Variants in MAML1 observed in about 807,000 individuals in gnomAD.
The protein encoded by MAML1 is mastermind-like protein 1.
A neutral mutation model predicts 77.1 loss-of-function variants in MAML1; 14 were observed. The observed-to-expected ratio is 0.18, with a 90% CI of 0.12 to 0.28. The LOEUF is 0.28. Among genes scored for constraint, MAML1 ranks in the 10% least tolerant of loss-of-function variants. The pLI, the probability that MAML1 is intolerant of heterozygous loss-of-function variation, is 1.00. For synonymous variants in MAML1, 516 were observed against 551.9 expected (o/e 0.93, Z 0.91); for missense variants, 1,217 against 1,327.8 (o/e 0.92, Z 1.30).
chr5:179,737,326 C>T (rs1318832815), intron 1 of MAML1, among the ~76,000 whole-genome samples: 3 of 152,060 alleles, frequency 2.0e-5, no homozygotes, highest in Non-Finnish European at 4.4e-5. Flanking sequence ...GCTCTTTGGC[C>T]TTGGAATGGG....
intron 1 of MAML1, among the ~76,000 whole-genome samples, chr5:179,739,783 G>A (rs1779244446): frequency 6.6e-6 from 1 of 152,198 alleles, no homozygotes; most frequent in Non-Finnish European, 1.5e-5. Context: ...TATCCTGGAA[G>A]ATGTGTATAT....
intron 1 of MAML1, among the ~76,000 whole-genome samples, chr5:179,749,194 C>T (rs1225791645): frequency 6.6e-6 from 1 of 152,112 alleles, no homozygotes; most frequent in African/African-American, 2.4e-5. Flanking sequence ...ATGGCGCGAT[C>T]TCTGCTCACT....
chr5:179,753,220 TGTGCGCGCGCGCGC>T (rs918982163), intron 1 of MAML1, among the ~76,000 whole-genome samples: 2 of 37,814 alleles, frequency 5.3e-5, no homozygotes, highest in Non-Finnish European at 1.5e-4. Context: ...TGTGTGTGTG[TGTGCGCGCGCGCGC>T]GCGCGTGCTG....
rs1436474008 is a variant in MAML1 at position 179,764,990 on chromosome 5, T to TA, written c.316-335dup. ...TCAAAACATATATATATATATAATA[T>TA]ATATATGTGTGTGTGTGTGTGTGTG... On this transcript the variant is annotated intron_variant, in intron 1 of 4. Transcript: ENST00000292599. 1.8e-4 allele frequency among the ~76,000 whole-genome samples: 18 copies of TA among 102,354 alleles called. 1 individual carries two copies. Among genetic ancestry groups the TA allele is most frequent in the Admixed American group, 1.5e-3 (13 of 8,416 alleles). The allele number at this position is 102,354 out of a possible 152,430, so 67.1% of individuals were successfully genotyped here.
chr5:179,751,788 G>A (rs1488746352), intron 1 of MAML1, among the ~76,000 whole-genome samples: 1 of 152,070 alleles, frequency 6.6e-6, no homozygotes, highest in Non-Finnish European at 1.5e-5. Context: ...GAACTGGGCA[G>A]ATCACTTGAG....
intron 1 of MAML1, among the ~76,000 whole-genome samples, chr5:179,756,501 A>G (rs539927239): frequency 5.3e-5 from 8 of 152,000 alleles, no homozygotes; most frequent in African/African-American, 1.4e-4. Flanking sequence ...AAAGACATTC[A>G]GTTTAAGTTG....
chr5:179,739,061 C>T (rs1382079413), intron 1 of MAML1, among the ~76,000 whole-genome samples: 1 of 152,140 alleles, frequency 6.6e-6, no homozygotes, highest in African/African-American at 2.4e-5. Flanking sequence ...ACTATTTTCC[C>T]TTATTAATTC....
chr5:179,753,577 A>G (rs1191388081), intron 1 of MAML1, among the ~76,000 whole-genome samples: 2 of 151,936 alleles, frequency 1.3e-5, no homozygotes, highest in African/African-American at 4.8e-5. Context: ...GCGAATGGCA[A>G]AGGATTAAGA....
intron 1 of MAML1, among the ~76,000 whole-genome samples, chr5:179,751,433 C>T (rs1318014821): frequency 6.6e-6 from 1 of 152,170 alleles, no homozygotes; most frequent in Non-Finnish European, 1.5e-5. Flanking sequence ...GGTGCACTCA[C>T]TTCAGTGGCT....
chr5:179,741,537 T>G (rs947481521), intron 1 of MAML1, among the ~76,000 whole-genome samples: 3 of 151,870 alleles, frequency 2.0e-5, no homozygotes, highest in Non-Finnish European at 4.4e-5. Context: ...AATACAAAAA[T>G]TAGCCGGGCA....
At chr5:179,737,390 A>AG (rs1486542220) in intron 1 of MAML1, among the ~76,000 whole-genome samples, 1 of 152,154 alleles carries the variant, frequency 6.6e-6, no homozygotes, top group African/African-American at 2.4e-5. Flanking sequence ...CCTTCAATTC[A>AG]GGGGGGAAGA....
intron 1 of MAML1, among the ~76,000 whole-genome samples, chr5:179,753,933 A>G (rs1779561562): frequency 6.6e-6 from 1 of 151,570 alleles, no homozygotes; most frequent in South Asian, 2.1e-4. Flanking sequence ...CGGCCTCCCA[A>G]AGTGCTGGGA....
chr5:179,755,234 G>A (rs1326209444), intron 1 of MAML1, among the ~76,000 whole-genome samples: 1 of 152,232 alleles, frequency 6.6e-6, no homozygotes, highest in Non-Finnish European at 1.5e-5. Flanking sequence ...TGAGTGATGA[G>A]CTAGTACTGC....
intron 1 of MAML1, among the ~76,000 whole-genome samples, chr5:179,743,007 T>C (rs1029640472): frequency 5.9e-5 from 9 of 151,860 alleles, no homozygotes; most frequent in African/African-American, 2.2e-4. Context: ...ACTGGGTGTT[T>C]GGACAAAATA....
chr5:179,770,322 C>T (rs548915541), intron 3 of MAML1, among the ~76,000 whole-genome samples: 1 of 152,292 alleles, frequency 6.6e-6, no homozygotes, highest in South Asian at 2.1e-4. Flanking sequence ...GTGACGGGCG[C>T]CTGTAGTCCC....
At chr5:179,736,732 T>C (rs1779178055) in intron 1 of MAML1, among the ~76,000 whole-genome samples, 1 of 151,144 alleles carries the variant, frequency 6.6e-6, no homozygotes, top group African/African-American at 2.4e-5. Context: ...GAGGCAGAGG[T>C]GGGTGGATCG....
rs954981470 is a variant in MAML1 at position 179,732,830 on chromosome 5, C to G, written c.-283C>G. The G allele has an allele frequency of 9.6e-6, 2 of 208,414 alleles. No individual in the cohort carries two copies. The highest frequency in any genetic ancestry group is 4.6e-5 in the African/African-American group (2 of 43,146). The allele number at this position is 208,414 out of a possible 1,614,324, so 12.9% of individuals were successfully genotyped here. A position where few individuals can be genotyped will look rare whatever the true frequency, so the allele number is the denominator to read the frequency against. On this transcript the variant is annotated 5_prime_UTR_variant, in exon 1 of 5. Transcript: ENST00000292599. ...AGGCCCCGCCTTCTTCCGAGAGGCCCGAAAACAATTTTAAGATGGCGGCCG... is the reference window on the plus strand; with the variant it reads ...AGGCCCCGCCTTCTTCCGAGAGGCCGGAAAACAATTTTAAGATGGCGGCCG...
chr5:179,735,979 C>G (rs1381689963), intron 1 of MAML1, among the ~76,000 whole-genome samples: 1 of 152,182 alleles, frequency 6.6e-6, no homozygotes, highest in Non-Finnish European at 1.5e-5. Flanking sequence ...AGCCACCGCG[C>G]CCGGCCTATG....
In MAML1 at chr5:179,775,517, G is replaced by T. The variant is rs188628535; in HGVS notation, c.*640G>T. 1.0e-6 allele frequency: 1 copy of T among 985,324 alleles called. No individual in the cohort carries two copies. Among genetic ancestry groups the T allele is most frequent in the Non-Finnish European group, 1.2e-6 (1 of 829,926 alleles). The allele number at this position is 985,324 out of a possible 1,614,324, so 61.0% of individuals were successfully genotyped here. ...TCCCTAAGTGCAGGCTGTTGACTGCGTATGCCAAAAAGGGACAGGAGGCAT... is the reference window on the plus strand; with the variant it reads ...TCCCTAAGTGCAGGCTGTTGACTGCTTATGCCAAAAAGGGACAGGAGGCAT... On this transcript the variant is annotated 3_prime_UTR_variant, in exon 5 of 5. Transcript: ENST00000292599.
Sources: gnomAD v4.1 joint callset for allele counts (sites outside exome capture counted in the v4.1 genomes callset) on GRCh38, gnomAD v4.1.1 for gene constraint, MANE v1.5 for transcripts, NCBI Gene and HGNC (gene_info 2026-07-23, HGNC 2026-07-21) for gene names.